Variants in WNT11 observed in about 807,000 individuals in gnomAD.
The protein encoded by WNT11 is Wnt family member 11, also known as protein Wnt-11.
Under a neutral mutation model 35.6 loss-of-function variants are expected in WNT11, and 20 were observed. The observed-to-expected ratio is 0.56, with a 90% CI of 0.40 to 0.82. WNT11 has a LOEUF of 0.82. Ranked by LOEUF, WNT11 falls within the 40% of genes least tolerant of loss-of-function variation. WNT11 has a pLI of 0.00. For missense variants in WNT11, 459 were observed against 504.4 expected, an observed-to-expected ratio of 0.91 and a Z score of 0.86; for synonymous variants, 200 against 211.9, an observed-to-expected ratio of 0.94 and a Z score of 0.49.
upstream of WNT11, among the ~76,000 whole-genome samples, chr11:76,208,628 G>A (rs1953510064): frequency 6.6e-6 from 1 of 152,210 alleles, no homozygotes. Context: ...GGGGCTGCAA[G>A]AGGACGGAGG....
At chr11:76,205,128 A>G (rs1206688145) in intron 1 of WNT11, among the ~76,000 whole-genome samples, 1 of 152,198 alleles carries the variant, frequency 6.6e-6, no homozygotes, top group African/African-American at 2.4e-5. Context: ...TAAACAAGAA[A>G]GGCAGGAAGA....
chr11:76,206,176 A>AAATTTT, intron 1 of WNT11, 149 bp downstream of exon 1: 1 of 662,292 alleles, frequency 1.5e-6, no homozygotes, highest in Non-Finnish European at 2.2e-6. Context: ...CAGAGGAGGA[A>AAATTTT]ACAGAGGCTG....
chr11:76,202,754 G>A (rs769428026), intron 1 of WNT11, among the ~76,000 whole-genome samples: 14 of 152,220 alleles, frequency 9.2e-5, no homozygotes, highest in Non-Finnish European at 1.8e-4. Flanking sequence ...CCCACAGCCT[G>A]AGAGTCCTCC....
upstream of WNT11, among the ~76,000 whole-genome samples, chr11:76,208,859 C>G (rs1270664360): frequency 2.0e-5 from 3 of 152,216 alleles, no homozygotes; most frequent in Non-Finnish European, 4.4e-5. Context: ...CTGTTCCTGT[C>G]CCTTGTACGA....
In WNT11 at chr11:76,206,442, G is replaced by A. The variant is rs1953476163; in HGVS notation, c.-35C>T. The A allele has an allele frequency of 7.1e-7, 1 of 1,413,582 alleles. No individual in the cohort carries two copies. The highest frequency in any genetic ancestry group is 1.5e-5 in the African/African-American group (1 of 66,802). The allele number at this position is 1,413,582 out of a possible 1,614,324, so 87.6% of individuals were successfully genotyped here. On this transcript the variant is annotated 5_prime_UTR_variant, in exon 1 of 5. Transcript: ENST00000322563. ...GCGGGCGCGCCCGGGGTCACACCCA[G>A]GAGGAGCCGCGCCGAAGTCCTCCGC... is the stretch of plus-strand genomic sequence containing the variant.
At chr11:76,193,819 A>G (rs1166933807) in intron 3 of WNT11, among the ~76,000 whole-genome samples, 1 of 152,214 alleles carries the variant, frequency 6.6e-6, no homozygotes, top group Non-Finnish European at 1.5e-5. Context: ...AGCTCTGGCC[A>G]AGTGGCCATC....
At chr11:76,202,240 G>A (rs901857647) in intron 1 of WNT11, among the ~76,000 whole-genome samples, 16 of 152,152 alleles carry the variant, frequency 1.1e-4, no homozygotes, top group African/African-American at 3.9e-4. Context: ...AACAGATGGC[G>A]ATGAGAGAGA....
intron 2 of WNT11, among the ~76,000 whole-genome samples, chr11:76,196,139 G>A (rs11236652): frequency 1.3e-5 from 2 of 152,206 alleles, no homozygotes; most frequent in African/African-American, 2.4e-5. Flanking sequence ...CCTCCCAGGA[G>A]CCTCCCTGAC....
At chr11:76,191,437 C>G (rs1953181973) in intron 4 of WNT11, 127 bp downstream of exon 4, 1 of 1,145,420 alleles carries the variant, frequency 8.7e-7, no homozygotes, top group Non-Finnish European at 1.2e-6. Flanking sequence ...GGCCAACTCT[C>G]TCAACTGAGC....
chr11:76,201,680 G>T (rs1316260830), intron 1 of WNT11, among the ~76,000 whole-genome samples: 2 of 152,174 alleles, frequency 1.3e-5, no homozygotes, highest in Non-Finnish European at 2.9e-5. Flanking sequence ...CTGGGGCAGA[G>T]ACCTGGGTTC....
upstream of WNT11, chr11:76,206,737 C>A: frequency 4.6e-6 from 1 of 218,782 alleles, no homozygotes; most frequent in Non-Finnish European, 8.4e-6. Context: ...CTGGCCGGGG[C>A]AGCCGGAAGG....
chr11:76,194,877 G>C lies in WNT11; in HGVS notation c.320-33C>G. 6.8e-7 allele frequency: 1 copy of C among 1,469,422 alleles called. No individual in the cohort carries two copies. The highest frequency in any genetic ancestry group is 1.4e-5 in the South Asian group (1 of 72,126). 91.0% of individuals were successfully genotyped at this position (1,469,422 alleles called of 1,614,324 possible). Reference sequence around the variant, plus strand: ...TGGGAGGGGAAGGTCAGCCGACGCTGATCCAGGGCTAGGACCCTGCCCAGG... The same window carrying C: ...TGGGAGGGGAAGGTCAGCCGACGCTCATCCAGGGCTAGGACCCTGCCCAGG... On this transcript the variant is annotated intron_variant, in intron 2 of 4. Coordinates refer to ENST00000322563, the MANE Select transcript of WNT11 (RefSeq NM_004626.3). This position sits in a 1 kb window ranked among gnomAD's most constrained non-coding sequence, Gnocchi z 5.4.
chr11:76,196,325 A>C (rs764686308), intron 2 of WNT11, among the ~76,000 whole-genome samples, 158 bp downstream of exon 2: 2 of 152,138 alleles, frequency 1.3e-5, no homozygotes, highest in Non-Finnish European at 2.9e-5. Context: ...TCATCCACCC[A>C]TACCCCATCC....
In WNT11 at chr11:76,187,240, C is replaced by A; in HGVS notation, c.891-1G>T. 2 of 1,600,734 alleles carry A rather than the reference C, an allele frequency of 1.2e-6. No individual in the cohort carries two copies. Among genetic ancestry groups the A allele is most frequent in the Non-Finnish European group, 1.7e-6 (2 of 1,179,470 alleles). On this transcript the variant is annotated splice_acceptor_variant, in intron 4 of 4. Coordinates refer to ENST00000322563, the MANE Select transcript of WNT11 (RefSeq NM_004626.3). LOFTEE classifies it high-confidence loss of function. ...TCCGTTGGATGTCTTGTTGCACTGC[C>A]TATTGTGGGGGCAGGAAGGAGGTCA...
intron 4 of WNT11, among the ~76,000 whole-genome samples, chr11:76,189,057 A>G (rs1291767573): frequency 6.6e-6 from 1 of 152,214 alleles, no homozygotes; most frequent in Non-Finnish European, 1.5e-5. Context: ...CACCTGCCCC[A>G]GAGCTGGACA....
At position 76,194,692 on chromosome 11, in the gene WNT11, C is replaced by T. The variant is rs1953246490; in HGVS notation, c.472G>A (p.Ala158Thr). ...PGPGNRWGGC[A>T]DNLSYGLLMG... ...AGGAGCCCGTAGCTGAGGTTGTCCG[C>T]ACATCCTCCCCAGCGGTTCCCGGGC... Residue 158 changes from alanine (A) to threonine (T), a missense_variant, in exon 3 of 5, where the codon GCG becomes ACG. Ala to Thr is a moderately conservative substitution (Grantham distance 58, BLOSUM62 0). Transcript: ENST00000322563. This position sits in a 1 kb window ranked among gnomAD's most constrained non-coding sequence, Gnocchi z 5.4. The T allele has an allele frequency of 6.4e-7, 1 of 1,550,488 alleles. No homozygotes were observed. Among genetic ancestry groups the T allele is most frequent in the Non-Finnish European group, 8.7e-7 (1 of 1,146,972 alleles).
intron 1 of WNT11, among the ~76,000 whole-genome samples, chr11:76,202,545 C>T (rs952316408): frequency 6.6e-6 from 1 of 152,072 alleles, no homozygotes; most frequent in African/African-American, 2.4e-5. Flanking sequence ...CAAGCCCAGC[C>T]TCTCCCCAGG....
At chr11:76,205,212 C>A (rs1953452588) in intron 1 of WNT11, among the ~76,000 whole-genome samples, 1 of 152,238 alleles carries the variant, frequency 6.6e-6, no homozygotes. Context: ...GACCTCCAGA[C>A]TGTTTGCTGG....
intron 4 of WNT11, among the ~76,000 whole-genome samples, chr11:76,188,606 C>T (rs776353721): frequency 6.6e-5 from 10 of 152,162 alleles, no homozygotes; most frequent in African/African-American, 1.4e-4. Flanking sequence ...ACATGTGGGC[C>T]GAGGAATCCC....
Sources: gnomAD v4.1 joint callset for allele counts (sites outside exome capture counted in the v4.1 genomes callset) on GRCh38, gnomAD v4.1.1 for gene constraint, Gnocchi (gnomAD v3.1) non-coding constraint, MANE v1.5 for transcripts, NCBI Gene and HGNC (gene_info 2026-07-23, HGNC 2026-07-21) for gene names.